The following ITGB1BP1 variants were observed in gnomAD, a reference collection of about 807,000 sequenced individuals.
ITGB1BP1 encodes the protein integrin subunit beta 1 binding protein 1, also known as integrin beta-1-binding protein 1.
A neutral mutation model predicts 28.0 loss-of-function variants in ITGB1BP1; 20 were observed. That is an observed-to-expected ratio of 0.71 (90% CI 0.50 to 1.04). The LOEUF (loss-of-function observed/expected upper bound fraction) is 1.04. ITGB1BP1 is among the 50% of genes least tolerant of loss of function. The probability of loss-of-function intolerance (pLI) is 0.00; values close to 1 mark genes in which losing one functional copy is unlikely to be tolerated. For missense variants in ITGB1BP1, 228 were observed against 242.5 expected, an observed-to-expected ratio of 0.94 and a Z score of 0.40; for synonymous variants, 103 against 89.5, an observed-to-expected ratio of 1.15 and a Z score of -0.85.
At chr2:9,422,867 C>T in intron 1 of ITGB1BP1, 2 of 985,940 alleles carry the variant, frequency 2.0e-6, no homozygotes, top group African/African-American at 1.7e-5. Context: ...GAGTCAGTGA[C>T]CTGCCCAGGG....
At chr2:9,422,100 A>C (rs1679950434) in intron 1 of ITGB1BP1, among the ~76,000 whole-genome samples, 1 of 152,226 alleles carries the variant, frequency 6.6e-6, no homozygotes, top group Non-Finnish European at 1.5e-5. Context: ...TAAGGAATTC[A>C]CAAACCCAAG....
Position 9,406,757 on chromosome 2 carries a change from T to G in ITGB1BP1, c.*77A>C, listed in dbSNP as rs1344307286. On this transcript the variant is annotated 3_prime_UTR_variant, in exon 7 of 7. Coordinates refer to ENST00000355346, the MANE Select transcript of ITGB1BP1 (RefSeq NM_004763.5). ...CTAGAGCAAGGGATAACTTCATTAT[T>G]TGCATAACATTTCAGCATTGCAGTT... 5 of 948,514 alleles carry G rather than the reference T, an allele frequency of 5.3e-6. No individual in the cohort carries two copies. Among genetic ancestry groups the G allele is most frequent in the African/African-American group, 1.6e-5 (1 of 62,100 alleles). 58.8% of individuals were successfully genotyped at this position (948,514 alleles called of 1,614,324 possible). A position where few individuals can be genotyped will look rare whatever the true frequency, so the allele number is the denominator to read the frequency against.
At chr2:9,412,240 CAG>C in intron 4 of ITGB1BP1, 27 bp downstream of exon 4, 2 of 1,587,342 alleles carry the variant, frequency 1.3e-6, no homozygotes, top group South Asian at 1.1e-5. Flanking sequence ...CTCTCATAAC[CAG>C]AGAGTTACGG....
In ITGB1BP1 at chr2:9,414,163, A is replaced by C; in HGVS notation, c.151+15T>G. On this transcript the variant is annotated intron_variant, in intron 3 of 6. Transcript: ENST00000355346. ...GAAAAGCGCAGACAATCAATGATCC[A>C]ACCCTTTTATGTACCTGAGCTTTTG... 1 of 1,607,812 alleles carries C rather than the reference A, an allele frequency of 6.2e-7. No individual in the cohort carries two copies. The highest frequency in any genetic ancestry group is 8.5e-7 in the Non-Finnish European group (1 of 1,174,432).
intron 6 of ITGB1BP1, chr2:9,407,143 C>G: frequency 6.6e-6 from 4 of 602,564 alleles, no homozygotes; most frequent in Non-Finnish European, 2.9e-6. Flanking sequence ...ATCACGCAGT[C>G]TAGGAGGGCA....
chr2:9,406,752 A>G lies in ITGB1BP1; in HGVS notation c.*82T>C, dbSNP rs1677439820. On this transcript the variant is annotated 3_prime_UTR_variant, in exon 7 of 7. Transcript: ENST00000355346. ...AAAATCTAGAGCAAGGGATAACTTC[A>G]TTATTTGCATAACATTTCAGCATTG... is the stretch of plus-strand genomic sequence containing the variant. 2.2e-6 allele frequency: 2 copies of G among 929,100 alleles called. No homozygotes were observed. The highest frequency in any genetic ancestry group is 3.6e-6 in the Non-Finnish European group (2 of 556,566). 57.6% of individuals were successfully genotyped at this position (929,100 alleles called of 1,614,324 possible).
rs1343456832 is a variant in ITGB1BP1 at position 9,404,636 on chromosome 2, A to G, written c.*2198T>C. On this transcript the variant is annotated 3_prime_UTR_variant, in exon 7 of 7. Coordinates refer to ENST00000355346, the MANE Select transcript of ITGB1BP1 (RefSeq NM_004763.5). ...AACAAAAGTAAAGGAATAAATTTGC[A>G]TATAGGCTTGGAAAGTGAGGCAGCA... 1 of 152,616 alleles carries G rather than the reference A, an allele frequency of 6.6e-6. No individual in the cohort carries two copies. The highest frequency in any genetic ancestry group is 1.5e-5 in the Non-Finnish European group (1 of 68,044). The allele number at this position is 152,616 out of a possible 1,614,324, so 9.5% of individuals were successfully genotyped here.
At chr2:9,412,747 A>G (rs1414821922) in intron 3 of ITGB1BP1, 2 of 168,532 alleles carry the variant, frequency 1.2e-5, no homozygotes, top group African/African-American at 2.4e-5. Context: ...CCTCTTCACC[A>G]TTTTTTTTCC....
chr2:9,406,855 T>C lies in ITGB1BP1; in HGVS notation c.582A>G (p.Val194=). The C allele has an allele frequency of 6.2e-7, 1 of 1,613,058 alleles. No individual in the cohort carries two copies. Among genetic ancestry groups the C allele is most frequent in the Non-Finnish European group, 8.5e-7 (1 of 1,179,000 alleles). The change falls in exon 7 of 7, where the codon GTA becomes GTG. Residue 194 remains valine, a synonymous_variant. Coordinates refer to ENST00000355346, the MANE Select transcript of ITGB1BP1 (RefSeq NM_004763.5). The part of the protein sequence containing the change: ...CKVLSTAFDS[V]LTSEKP Reference sequence around the variant, plus strand: ...GGATTCAGGGTTTCTCAGATGTTAATACAGAGTCAAAAGCGGTGGATAAAA... The same window carrying C: ...GGATTCAGGGTTTCTCAGATGTTAACACAGAGTCAAAAGCGGTGGATAAAA...
rs375213211 is a variant in ITGB1BP1, at chr2:9,406,078, AGTGT to A, written c.*752_*755del. ...GACATCTCGTCTTCCTCAGGCCTTC[AGTGT>A]GTGTTTGTCACTGAGTGGACCTCTG... On this transcript the variant is annotated 3_prime_UTR_variant, in exon 7 of 7. Coordinates refer to ENST00000355346, the MANE Select transcript of ITGB1BP1 (RefSeq NM_004763.5). 8.8e-5 allele frequency: 10 copies of A among 113,814 alleles called. 1 individual carries two copies. The highest frequency in any genetic ancestry group is 3.2e-4 in the South Asian group (1 of 3,130). The allele number at this position is 113,814 out of a possible 1,614,324, so 7.1% of individuals were successfully genotyped here. A position where few individuals can be genotyped will look rare whatever the true frequency, so the allele number is the denominator to read the frequency against.
At chr2:9,416,231 C>T (rs868638253) in intron 2 of ITGB1BP1, among the ~76,000 whole-genome samples, 1 of 152,136 alleles carries the variant, frequency 6.6e-6, no homozygotes, top group South Asian at 2.1e-4. Flanking sequence ...TCATTCACTA[C>T]CTGCTTTTTT....
chr2:9,418,795 A>G (rs1358984896), intron 1 of ITGB1BP1, 63 bp from the exon 2 acceptor site: 4 of 875,602 alleles, frequency 4.6e-6, no homozygotes, highest in South Asian at 3.0e-5. Flanking sequence ...TTTTTTTTTT[A>G]AGAGACAGAG....
rs1441750029 is a variant in ITGB1BP1 at position 9,406,836 on chromosome 2, A to C, written c.601T>G (p.Ter201GlyextTer27). The change falls in exon 7 of 7, where the codon TGA becomes GGA. Residue 201 changes from the stop codon to glycine, a stop_lost. Transcript: ENST00000355346. ...FDSVLTSEKP[*>G] ...TGACTTCTACTTGATTGCAGGATTC[A>C]GGGTTTCTCAGATGTTAATACAGAG... The C allele has an allele frequency of 2.6e-5, 41 of 1,607,270 alleles. No individual in the cohort carries two copies. The highest frequency in any genetic ancestry group is 3.5e-5 in the Non-Finnish European group (41 of 1,173,818).
intron 6 of ITGB1BP1, chr2:9,407,240 A>C: frequency 1.6e-6 from 1 of 617,064 alleles, no homozygotes. Context: ...ATCCCGGCAC[A>C]AGCGAGTGCT....
At chr2:9,412,136 G>A in intron 4 of ITGB1BP1, 133 bp downstream of exon 4, 5 of 713,396 alleles carry the variant, frequency 7.0e-6, no homozygotes, top group Middle Eastern at 3.3e-4. Context: ...GTGCGGTGGT[G>A]ATGCGGGGAC....
At chr2:9,414,156 A>G (rs376002438) in intron 3 of ITGB1BP1, 22 bp downstream of exon 3, 4 of 1,598,244 alleles carry the variant, frequency 2.5e-6, no homozygotes, top group African/African-American at 2.7e-5. Context: ...CAGACAATCA[A>G]TGATCCAACC....
At chr2:9,408,801 T>A (rs1651479101) in intron 4 of ITGB1BP1, among the ~76,000 whole-genome samples, 1 of 152,258 alleles carries the variant, frequency 6.6e-6, no homozygotes. Flanking sequence ...CCCACAACTC[T>A]GAGCAAAATT....
intron 1 of ITGB1BP1, 119 bp downstream of exon 1, chr2:9,423,254 C>T: frequency 8.6e-7 from 1 of 1,165,342 alleles, no homozygotes; most frequent in South Asian, 1.6e-5. Context: ...AGGCATCCCT[C>T]CTCCGCCCGC....
At position 9,412,253 on chromosome 2, in the gene ITGB1BP1, A is replaced by AC; in HGVS notation, c.288+15_288+16insG. ...GACTCTCATAACCAGAGAGTTACGG[A>AC]ATTTTTTTTTTTTACCTGGGCAACG... On this transcript the variant is annotated intron_variant, in intron 4 of 6. Transcript: ENST00000355346. The AC allele has an allele frequency of 6.3e-7, 1 of 1,585,778 alleles. No individual in the cohort carries two copies. The highest frequency in any genetic ancestry group is 8.6e-7 in the Non-Finnish European group (1 of 1,164,500).
Sources: gnomAD v4.1 joint callset for allele counts (sites outside exome capture counted in the v4.1 genomes callset) on GRCh38, gnomAD v4.1.1 for gene constraint, MANE v1.5 for transcripts, NCBI Gene and HGNC (gene_info 2026-07-23, HGNC 2026-07-21) for gene names.